The following COL23A1 variants were observed in gnomAD, a reference collection of about 807,000 sequenced individuals.
The protein encoded by COL23A1 is collagen alpha-1(XXIII) chain.
In COL23A1, 97 loss-of-function variants were observed where a neutral mutation model predicts 99.3. The observed-to-expected ratio is 0.98, with a 90% confidence interval of 0.83 to 1.16. COL23A1 has a LOEUF of 1.16. COL23A1 is among the 50% of genes most tolerant of loss of function. The pLI is 0.00. For missense variants in COL23A1, 762 were observed against 757.4 expected (o/e 1.01, Z -0.07); for synonymous variants, 320 against 308.2 (o/e 1.04, Z -0.40).
In COL23A1 at chr5:178,308,326, G is replaced by A. The variant is rs189532753; in HGVS notation, c.362-1407C>T. Among the ~76,000 whole-genome samples the A allele has an allele frequency of 8.3e-4, 126 of 152,276 alleles. 1 individual carries two copies. The highest frequency in any genetic ancestry group is 3.7e-4 in the Non-Finnish European group (25 of 68,022). ...ATTTCTTGCCAGCCTCAGGGACAGG[G>A]GACTTGAGGTGAGGATTGTTAAACA... On this transcript the variant is annotated intron_variant, in intron 2 of 28. Coordinates refer to ENST00000390654, the MANE Select transcript of COL23A1 (RefSeq NM_173465.4). This position sits in a 1 kb window ranked among gnomAD's most constrained non-coding sequence, Gnocchi z 5.1.
intron 3 of COL23A1, among the ~76,000 whole-genome samples, chr5:178,291,422 G>C (rs1757452966): frequency 6.6e-6 from 1 of 152,226 alleles, no homozygotes; most frequent in Admixed American, 6.5e-5. Context: ...CATAGCACAA[G>C]GGCCCTGACC....
rs186436897 is a variant in COL23A1 at position 178,300,649 on chromosome 5, G to A, written c.406+6226C>T. ...ACTGTAATCTCTGCCTCCCAGGTCC[G>A]AGAGATTCAAGCAACTCTCGTGCCT... On this transcript the variant is annotated intron_variant, in intron 3 of 28. Transcript: ENST00000390654. Among the ~76,000 whole-genome samples the A allele has an allele frequency of 1.7e-3, 265 of 151,850 alleles. 2 individuals are homozygous for A. Among genetic ancestry groups the A allele is most frequent in the Non-Finnish European group, 2.4e-3 (162 of 67,944 alleles).
chr5:178,276,303 G>A (rs756139196), intron 5 of COL23A1, among the ~76,000 whole-genome samples: 8 of 152,204 alleles, frequency 5.3e-5, no homozygotes, highest in South Asian at 4.1e-4. Flanking sequence ...GAAGCAGACA[G>A]GAGTAAACGC....
chr5:178,330,647 C>T (rs1759968433), intron 2 of COL23A1, among the ~76,000 whole-genome samples: 1 of 137,154 alleles, frequency 7.3e-6, no homozygotes, highest in South Asian at 2.5e-4. Flanking sequence ...GAGTGAGACC[C>T]TCTCTCAAGA....
intron 25 of COL23A1, 109 bp downstream of exon 25, chr5:178,245,833 G>T: frequency 7.6e-7 from 1 of 1,310,044 alleles, no homozygotes; most frequent in Non-Finnish European, 1.1e-6. Context: ...TGCAGTCCCA[G>T]CCCTGGGGAA....
chr5:178,323,266 G>C lies in COL23A1; in HGVS notation c.362-16347C>G, dbSNP rs546984897. Among the ~76,000 whole-genome samples, 4 of 152,238 alleles carry C rather than the reference G, an allele frequency of 2.6e-5. No homozygotes were observed. In the South Asian group the frequency reaches 8.3e-4, roughly 32 times the overall value. On this transcript the variant is annotated intron_variant, in intron 2 of 28. Transcript: ENST00000390654. ...GCTTGGCAAAGGGTGGATGCACAGG[G>C]AATGTCCGTGGTCCTGAGCTCTTGC...
chr5:178,552,889 T>C (rs757623328), intron 2 of COL23A1, among the ~76,000 whole-genome samples: 1 of 152,070 alleles, frequency 6.6e-6, no homozygotes, highest in East Asian at 1.9e-4. Context: ...AATTTTTGTA[T>C]TTTTAGTAGA....
chr5:178,250,279 T>G (rs1208374036), intron 17 of COL23A1, among the ~76,000 whole-genome samples, 174 bp from the exon 18 acceptor site: 2 of 152,232 alleles, frequency 1.3e-5, no homozygotes, highest in African/African-American at 4.8e-5. Flanking sequence ...CACGAGCAGA[T>G]GTAGCCCATG....
intron 1 of COL23A1, among the ~76,000 whole-genome samples, chr5:178,572,874 A>G (rs1399930903): frequency 1.3e-5 from 2 of 152,266 alleles, no homozygotes; most frequent in East Asian, 3.8e-4. Context: ...TATTGTGCAA[A>G]AGCAGTTCTT....
intron 2 of COL23A1, among the ~76,000 whole-genome samples, chr5:178,358,029 C>CGTATGTGTATGT (rs780691478): frequency 4.6e-5 from 5 of 107,914 alleles, no homozygotes; most frequent in African/African-American, 1.5e-4. Flanking sequence ...TGTGTGTATG[C>CGTATGTGTATGT]GTATGTGTAT....
rs531323370 is a variant in COL23A1 at position 178,516,265 on chromosome 5, G to A, written c.361+44417C>T. On this transcript the variant is annotated intron_variant, in intron 2 of 28. Transcript: ENST00000390654. ...CAAACACCTGCAGAAGAATCGCCCA[G>A]CTCCTGCGTCTCTGGTACCCAGAGG... 9.9e-5 allele frequency among the ~76,000 whole-genome samples: 15 copies of A among 152,266 alleles called. 1 individual carries two copies. The highest frequency in any genetic ancestry group is 3.6e-4 in the African/African-American group (15 of 41,542).
At chr5:178,254,810 T>C (rs879589904) in intron 16 of COL23A1, 139 bp downstream of exon 16, 16 of 708,700 alleles carry the variant, frequency 2.3e-5, no homozygotes, top group Non-Finnish European at 3.4e-5. Context: ...ATTGGGTGCC[T>C]AGTAACAGCC....
At chr5:178,418,622 AC>A (rs1361986684) in intron 2 of COL23A1, among the ~76,000 whole-genome samples, 1 of 150,594 alleles carries the variant, frequency 6.6e-6, no homozygotes, top group African/African-American at 2.5e-5. Flanking sequence ...CAGCCCTTTC[AC>A]CAGCCTCCCA....
intron 3 of COL23A1, among the ~76,000 whole-genome samples, chr5:178,303,632 C>T (rs984806824): frequency 6.6e-5 from 10 of 152,174 alleles, no homozygotes; most frequent in East Asian, 1.9e-4. Context: ...TGCGGAGACC[C>T]GGGAAGTGCC....
intron 5 of COL23A1, among the ~76,000 whole-genome samples, chr5:178,286,789 G>A (rs879297104): frequency 6.8e-4 from 104 of 152,254 alleles, no homozygotes; most frequent in Non-Finnish European, 1.5e-4. Context: ...CCCCTCCCCC[G>A]GGGCAGCAGG....
intron 2 of COL23A1, among the ~76,000 whole-genome samples, chr5:178,543,712 G>A (rs910533774): frequency 1.3e-5 from 2 of 152,198 alleles, no homozygotes; most frequent in East Asian, 1.9e-4. Context: ...TCACCAAAAC[G>A]GCCTGTCTTA....
rs983983758 is a variant in COL23A1, at chr5:178,365,791, G to A, written c.362-58872C>T. Reference sequence around the variant, plus strand: ...CACACCCAGGAGTCCTCTGTGACCTGGGAGGGGGCCCACTCCCCCTACCCT... The same window carrying A: ...CACACCCAGGAGTCCTCTGTGACCTAGGAGGGGGCCCACTCCCCCTACCCT... On this transcript the variant is annotated intron_variant, in intron 2 of 28. Coordinates refer to ENST00000390654, the MANE Select transcript of COL23A1 (RefSeq NM_173465.4). This position sits in a 1 kb window ranked among gnomAD's most constrained non-coding sequence, Gnocchi z 5.2. Among the ~76,000 whole-genome samples, 1 of 152,186 alleles carries A rather than the reference G, an allele frequency of 6.6e-6. No individual in the cohort carries two copies. Among genetic ancestry groups the A allele is most frequent in the African/African-American group, 2.4e-5 (1 of 41,462 alleles).
intron 2 of COL23A1, among the ~76,000 whole-genome samples, chr5:178,554,091 G>A (rs1762146280): frequency 6.6e-6 from 1 of 152,202 alleles, no homozygotes. Flanking sequence ...GTGAGCAACA[G>A]AGAATCGGGC....
At chr5:178,330,948 T>G (rs1410802360) in intron 2 of COL23A1, among the ~76,000 whole-genome samples, 1 of 152,242 alleles carries the variant, frequency 6.6e-6, no homozygotes, top group East Asian at 1.9e-4. Flanking sequence ...AAGCTCCGCC[T>G]TCACTCTGTC....
Sources: gnomAD v4.1 joint callset for allele counts (sites outside exome capture counted in the v4.1 genomes callset) on GRCh38, gnomAD v4.1.1 for gene constraint, Gnocchi (gnomAD v3.1) non-coding constraint, MANE v1.5 for transcripts, NCBI Gene and HGNC (gene_info 2026-07-23, HGNC 2026-07-21) for gene names.